SMC3: variants seen among roughly 807,000 people sequenced by gnomAD.
The protein encoded by SMC3 is structural maintenance of chromosomes protein 3.
A neutral mutation model predicts 171.8 loss-of-function variants in SMC3; 20 were observed. That is an observed-to-expected ratio of 0.12 (90% CI 0.08 to 0.17). The LOEUF (loss-of-function observed/expected upper bound fraction) is 0.17. SMC3 is among the 10% of genes least tolerant of loss of function. The pLI is 1.00. For synonymous variants in SMC3, 464 were observed against 451.1 expected (o/e 1.03, Z -0.36); for missense variants, 543 against 1,420.4 (o/e 0.38, Z 9.93).
intron 7 of SMC3, among the ~76,000 whole-genome samples, chr10:110,580,606 T>C (rs1330185881): frequency 6.6e-6 from 1 of 152,246 alleles, no homozygotes; most frequent in African/African-American, 2.4e-5. Flanking sequence ...TTCAAAAGTC[T>C]GAAATACAGA....
chr10:110,593,034 T>C lies in SMC3; in HGVS notation c.1813-39T>C, dbSNP rs761133512. ...TCATAATTCTAAGTTCTTAGTTAAC[T>C]GTGTTGTGATCTCTCTGTTGACAAA... On this transcript the variant is annotated intron_variant, in intron 17 of 28. Coordinates refer to ENST00000361804, the MANE Select transcript of SMC3 (RefSeq NM_005445.4). 23 of 1,526,844 alleles carry C rather than the reference T, an allele frequency of 1.5e-5. No individual in the cohort carries two copies. In the Middle Eastern group the frequency reaches 1.5e-3, roughly 101 times the overall value. The allele number at this position is 1,526,844 out of a possible 1,614,324, so 94.6% of individuals were successfully genotyped here. A position where few individuals can be genotyped will look rare whatever the true frequency, so the allele number is the denominator to read the frequency against.
intron 18 of SMC3, among the ~76,000 whole-genome samples, chr10:110,594,892 C>G (rs1391550658): frequency 6.6e-6 from 1 of 152,026 alleles, no homozygotes; most frequent in Non-Finnish European, 1.5e-5. Context: ...TAACATTAAC[C>G]TAATATCCTC....
Position 110,599,797 on chromosome 10 carries a change from T to G in SMC3, c.2412T>G (p.Ile804Met), listed in dbSNP as rs1861358507. ...QKRVDALNDE[I>M]RQLQQENRQL... ...GAGTAGATGCACTGAATGATGAGAT[T>G]CGTCAACTTCAGCAGGTAAGTAGAC... Residue 804 changes from isoleucine to methionine, a missense_variant, in exon 21 of 29, where the codon ATT becomes ATG. Ile to Met is a conservative substitution (Grantham distance 10, BLOSUM62 1). Coordinates refer to ENST00000361804, the MANE Select transcript of SMC3 (RefSeq NM_005445.4). 6.2e-7 allele frequency: 1 copy of G among 1,613,964 alleles called. No homozygotes were observed.
At chr10:110,594,326 ATAT>A (rs1367764896) in intron 18 of SMC3, among the ~76,000 whole-genome samples, 1 of 151,850 alleles carries the variant, frequency 6.6e-6, no homozygotes, top group Admixed American at 6.5e-5. Context: ...ATTTTAAAAA[ATAT>A]TATATAATTA....
chr10:110,576,837 C>A (rs549276764), intron 4 of SMC3, among the ~76,000 whole-genome samples: 4 of 152,148 alleles, frequency 2.6e-5, no homozygotes, highest in Non-Finnish European at 5.9e-5. Flanking sequence ...GTTTTTGTGT[C>A]ATAGATTGGT....
intron 20 of SMC3, among the ~76,000 whole-genome samples, chr10:110,598,555 C>G (rs1216171906): frequency 6.6e-6 from 1 of 151,978 alleles, no homozygotes; most frequent in East Asian, 1.9e-4. Context: ...TACAGACATA[C>G]GCCACCACAT....
chr10:110,585,289 A>G (rs374275226), intron 13 of SMC3, among the ~76,000 whole-genome samples: 16 of 118,088 alleles, frequency 1.4e-4, no homozygotes, highest in African/African-American at 5.4e-4. Flanking sequence ...TGATAGTAAC[A>G]ATTTTTTTTT....
intron 16 of SMC3, 46 bp from the exon 17 acceptor site, chr10:110,590,945 G>A (rs754001406): frequency 1.9e-6 from 3 of 1,584,604 alleles, no homozygotes; most frequent in Admixed American, 1.7e-5. Flanking sequence ...AACATAGGGA[G>A]ACCCTGAGTA....
chr10:110,589,823 A>G, intron 14 of SMC3, 69 bp from the exon 15 acceptor site: 2 of 1,518,118 alleles, frequency 1.3e-6, no homozygotes, highest in Non-Finnish European at 1.8e-6. Context: ...TTTTGATTCT[A>G]AACTGTATAC....
chr10:110,581,065 CT>C, intron 8 of SMC3, 44 bp downstream of exon 8: 1 of 1,090,088 alleles, frequency 9.2e-7, no homozygotes, highest in Non-Finnish European at 1.4e-6. Flanking sequence ...TTGCAAATTA[CT>C]GTTTTTGTGA....
rs1590553123 is a variant in SMC3, at chr10:110,578,791, G to A, written c.429+85G>A. ...TGAATTTGGTTTATTGATTTGAGTG[G>A]TTAAGCTGAAGCAAAAATGGCCATA... is the stretch of plus-strand genomic sequence containing the variant. On this transcript the variant is annotated intron_variant, in intron 7 of 28. Transcript: ENST00000361804. The A allele has an allele frequency of 6.4e-6, 7 of 1,094,866 alleles. No individual in the cohort carries two copies. The East Asian group carries it at 1.8e-4, about 28-fold the overall frequency. The allele number at this position is 1,094,866 out of a possible 1,614,324, so 67.8% of individuals were successfully genotyped here. A position where few individuals can be genotyped will look rare whatever the true frequency, so the allele number is the denominator to read the frequency against.
rs1423052202 is a variant in SMC3, at chr10:110,605,530, CT to C, written c.*1232del. Among the ~76,000 whole-genome samples the C allele has an allele frequency of 3.3e-5, 5 of 152,102 alleles. No homozygotes were observed. Among genetic ancestry groups the C allele is most frequent in the Non-Finnish European group, 7.4e-5 (5 of 68,012 alleles). On this transcript the variant is annotated 3_prime_UTR_variant, in exon 29 of 29. Transcript: ENST00000361804. ...GAAACCAGAAATACCTAAAGAGATACTTTTAAAATAAAGAAATAGTAATGGG... is the reference window on the plus strand; with the variant it reads ...GAAACCAGAAATACCTAAAGAGATACTTTAAAATAAAGAAATAGTAATGGG...
intron 12 of SMC3, 91 bp from the exon 13 acceptor site, chr10:110,584,092 T>A (rs1329024910): frequency 6.6e-7 from 1 of 1,520,452 alleles, no homozygotes; most frequent in South Asian, 1.1e-5. Context: ...GAAAAATGGC[T>A]TTATGTTTCT....
chr10:110,581,354 G>T (rs1170201468), intron 8 of SMC3, among the ~76,000 whole-genome samples: 1 of 151,790 alleles, frequency 6.6e-6, no homozygotes, highest in African/African-American at 2.4e-5. Flanking sequence ...GAGTAGCTGG[G>T]ATTACAGGTG....
intron 8 of SMC3, 54 bp from the exon 9 acceptor site, chr10:110,581,869 T>C (rs1278515716): frequency 7.4e-7 from 1 of 1,348,376 alleles, no homozygotes; most frequent in Non-Finnish European, 1.1e-6. Flanking sequence ...TAAGAAGTGA[T>C]ATTACATAAA....
Position 110,600,338 on chromosome 10 carries a change from T to G in SMC3, c.2428-101T>G, listed in dbSNP as rs540418056. On this transcript the variant is annotated intron_variant, in intron 21 of 28. Transcript: ENST00000361804. ...AGAATATAACATATTAAACTTCATTTCAGCTCACATGAGCACAAGTACTAG... is the reference window on the plus strand; with the variant it reads ...AGAATATAACATATTAAACTTCATTGCAGCTCACATGAGCACAAGTACTAG... 4.1e-6 allele frequency: 3 copies of G among 729,804 alleles called. No homozygotes were observed. The East Asian group carries it at 7.4e-5, about 18-fold the overall frequency. The allele number at this position is 729,804 out of a possible 1,614,324, so 45.2% of individuals were successfully genotyped here.
At chr10:110,579,122 A>G (rs1860995626) in intron 7 of SMC3, among the ~76,000 whole-genome samples, 1 of 152,204 alleles carries the variant, frequency 6.6e-6, no homozygotes, top group South Asian at 2.1e-4. Context: ...TATTTTCCCT[A>G]ATAGGGATTA....
chr10:110,594,528 T>C (rs1861264706), intron 18 of SMC3, among the ~76,000 whole-genome samples: 1 of 152,114 alleles, frequency 6.6e-6, no homozygotes, highest in Non-Finnish European at 1.5e-5. Context: ...AGAAGGGAAA[T>C]GCTAAATCTC....
At chr10:110,574,153 G>C (rs146524085) in intron 3 of SMC3, among the ~76,000 whole-genome samples, 196 of 152,228 alleles carry the variant, frequency 1.3e-3, no homozygotes, top group African/African-American at 4.3e-3. Flanking sequence ...TGATAGTATT[G>C]TTTTGGAAAA....
Sources: gnomAD v4.1 joint callset for allele counts (sites outside exome capture counted in the v4.1 genomes callset) on GRCh38, gnomAD v4.1.1 for gene constraint, MANE v1.5 for transcripts, NCBI Gene and HGNC (gene_info 2026-07-23, HGNC 2026-07-21) for gene names.